Variants in STXBP6 observed in about 807,000 individuals in gnomAD.
STXBP6 encodes syntaxin binding protein 6.
Under a neutral mutation model 26.9 loss-of-function variants are expected in STXBP6, and 21 were observed. That is an observed-to-expected ratio of 0.78 (90% CI 0.55 to 1.12). STXBP6 has a LOEUF of 1.12. Among genes scored for constraint, STXBP6 ranks in the 50% most tolerant of loss-of-function variants. The probability of loss-of-function intolerance (pLI) is 0.00; values close to 1 mark genes in which losing one functional copy is unlikely to be tolerated. For synonymous variants in STXBP6, 97 were observed against 92.6 expected (o/e 1.05, Z -0.27); for missense variants, 232 against 257.9 (o/e 0.90, Z 0.69).
chr14:24,885,299 A>T (rs974014438), intron 2 of STXBP6, among the ~76,000 whole-genome samples: 1 of 152,318 alleles, frequency 6.6e-6, no homozygotes, highest in Admixed American at 6.5e-5. Flanking sequence ...TTGCCAAAAA[A>T]GCCAGTCTTC....
intron 2 of STXBP6, among the ~76,000 whole-genome samples, chr14:24,961,621 T>A (rs2073543833): frequency 6.6e-6 from 1 of 151,870 alleles, no homozygotes; most frequent in African/African-American, 2.4e-5. Context: ...GAGATGGAAA[T>A]GACAGATACC....
chr14:24,896,698 C>A (rs1005446734), intron 2 of STXBP6, among the ~76,000 whole-genome samples: 8 of 152,112 alleles, frequency 5.3e-5, no homozygotes, highest in Non-Finnish European at 7.3e-5. Flanking sequence ...TCATTCCAAA[C>A]TGGTAGATCT....
intron 1 of STXBP6, among the ~76,000 whole-genome samples, chr14:25,002,915 C>T (rs1379873843): frequency 8.6e-5 from 13 of 151,896 alleles, no homozygotes; most frequent in Admixed American, 2.6e-4. Flanking sequence ...TTAGTGGAGA[C>T]GGGGTTTCAC....
At chr14:24,900,653 A>T (rs1187312351) in intron 2 of STXBP6, among the ~76,000 whole-genome samples, 3 of 152,212 alleles carry the variant, frequency 2.0e-5, no homozygotes, top group African/African-American at 7.2e-5. Context: ...AGTCATGCCC[A>T]GTTTTTCAGT....
chr14:24,863,401 G>C (rs1004795972), intron 2 of STXBP6, among the ~76,000 whole-genome samples: 1 of 152,140 alleles, frequency 6.6e-6, no homozygotes, highest in African/African-American at 2.4e-5. Context: ...ACAAAAGGAA[G>C]AACAGTTCCT....
rs1260255285 is a variant in STXBP6 at position 25,035,293 on chromosome 14, T to C, written c.-33+14585A>G. On this transcript the variant is annotated intron_variant, in intron 1 of 5. Transcript: ENST00000323944. ...GGACCTGACCTACATCCTAGTTACATATCCAGGAACTAATCATTAGCTACA... is the reference window on the plus strand; with the variant it reads ...GGACCTGACCTACATCCTAGTTACACATCCAGGAACTAATCATTAGCTACA... 2.0e-5 allele frequency among the ~76,000 whole-genome samples: 3 copies of C among 152,174 alleles called. No individual in the cohort carries two copies. The East Asian group carries it at 5.8e-4, about 29-fold the overall frequency.
chr14:24,835,661 A>C (rs1286374849), intron 4 of STXBP6, among the ~76,000 whole-genome samples: 1 of 152,222 alleles, frequency 6.6e-6, no homozygotes, highest in Admixed American at 6.5e-5. Context: ...GTAAGAACAA[A>C]AAAGTAGGTG....
At chr14:24,966,833 C>G (rs1175900987) in intron 2 of STXBP6, among the ~76,000 whole-genome samples, 1 of 152,192 alleles carries the variant, frequency 6.6e-6, no homozygotes, top group Non-Finnish European at 1.5e-5. Flanking sequence ...TATCTACTAA[C>G]AGTGTCACTG....
intron 2 of STXBP6, among the ~76,000 whole-genome samples, chr14:24,952,227 C>T (rs1478217142): frequency 1.3e-5 from 2 of 150,490 alleles, no homozygotes; most frequent in Non-Finnish European, 3.0e-5. Flanking sequence ...ATAATAATTA[C>T]TTAGAAAATT....
intron 2 of STXBP6, among the ~76,000 whole-genome samples, chr14:24,973,712 TG>T (rs2073969047): frequency 6.6e-6 from 1 of 152,168 alleles, no homozygotes; most frequent in African/African-American, 2.4e-5. Context: ...CTTACCAAAG[TG>T]CTATGTTCTT....
chr14:24,856,867 A>C (rs1008749597), intron 3 of STXBP6, among the ~76,000 whole-genome samples, 160 bp downstream of exon 3: 2 of 152,082 alleles, frequency 1.3e-5, no homozygotes, highest in Non-Finnish European at 2.9e-5. Flanking sequence ...ATAATTTCCC[A>C]TAAGAAAGGA....
At chr14:24,904,443 G>A (rs118050649) in intron 2 of STXBP6, among the ~76,000 whole-genome samples, 359 of 152,126 alleles carry the variant, frequency 2.4e-3, no homozygotes, top group South Asian at 7.9e-3. Context: ...TTTTAATGGC[G>A]AACCCGCAAT....
intron 1 of STXBP6, chr14:24,995,127 A>G (rs2074570009): frequency 6.6e-6 from 1 of 152,348 alleles, no homozygotes; most frequent in Non-Finnish European, 1.5e-5. Context: ...TCAAGGCATC[A>G]GCAGATTTGC....
At chr14:24,988,971 G>A (rs183147929) in intron 1 of STXBP6, among the ~76,000 whole-genome samples, 308 of 152,294 alleles carry the variant, frequency 2.0e-3, no homozygotes, top group Middle Eastern at 0.017. Flanking sequence ...ACTGAAGTGG[G>A]AAGGAACAGG....
chr14:25,035,146 T>C (rs1013397604), intron 1 of STXBP6, among the ~76,000 whole-genome samples: 15 of 146,714 alleles, frequency 1.0e-4, no homozygotes, highest in South Asian at 2.1e-4. Flanking sequence ...AGTGAGACTC[T>C]GTCTCCAAAA....
At chr14:24,821,081 G>T (rs2068120230) in intron 4 of STXBP6, among the ~76,000 whole-genome samples, 1 of 152,206 alleles carries the variant, frequency 6.6e-6, no homozygotes, top group African/African-American at 2.4e-5. Flanking sequence ...AGAGGCCAAT[G>T]GGGTGGAACA....
chr14:24,961,289 AG>A (rs1425727194), intron 2 of STXBP6, among the ~76,000 whole-genome samples: 1 of 152,134 alleles, frequency 6.6e-6, no homozygotes, highest in African/African-American at 2.4e-5. Flanking sequence ...GAGAAGGGAG[AG>A]GAACAGAAAA....
chr14:24,833,528 T>C (rs1198915853), intron 4 of STXBP6, among the ~76,000 whole-genome samples: 1 of 152,228 alleles, frequency 6.6e-6, no homozygotes, highest in Non-Finnish European at 1.5e-5. Context: ...GAATGGCTAG[T>C]GAACTGATAA....
chr14:24,964,519 C>G (rs2073664620), intron 2 of STXBP6, among the ~76,000 whole-genome samples: 1 of 152,170 alleles, frequency 6.6e-6, no homozygotes, highest in African/African-American at 2.4e-5. Flanking sequence ...TGAGTACCTT[C>G]TATGTATCAG....
Sources: allele counts gnomAD v4.1 joint callset (sites outside exome capture counted in the v4.1 genomes callset), GRCh38; gene constraint gnomAD v4.1.1; transcripts MANE v1.5; gene names NCBI Gene and HGNC (gene_info 2026-07-23, HGNC 2026-07-21).